Variants in RALGAPA1 observed in about 807,000 individuals in gnomAD.
The protein encoded by RALGAPA1 is ral GTPase-activating protein subunit alpha-1.
A neutral mutation model predicts 269.6 loss-of-function variants in RALGAPA1; 52 were observed. That is an observed-to-expected ratio of 0.19 (90% CI 0.15 to 0.24). RALGAPA1 has a LOEUF of 0.24. Ranked by LOEUF, RALGAPA1 falls within the 10% of genes least tolerant of loss-of-function variation. The pLI, the probability that RALGAPA1 is intolerant of heterozygous loss-of-function variation, is 1.00. For synonymous variants in RALGAPA1, 817 were observed against 1,008.3 expected (o/e 0.81, Z 3.60); for missense variants, 1,917 against 3,013.9 (o/e 0.64, Z 8.52).
At chr14:35,558,894 C>A (rs543249439) in intron 39 of RALGAPA1, among the ~76,000 whole-genome samples, 1 of 152,204 alleles carries the variant, frequency 6.6e-6, no homozygotes, top group East Asian at 1.9e-4. Context: ...CAGCTTCACG[C>A]CAAAGAAGTG....
intron 10 of RALGAPA1, 74 bp from the exon 11 acceptor site, chr14:35,742,639 T>C: frequency 1.0e-6 from 1 of 996,228 alleles, no homozygotes; most frequent in East Asian, 2.4e-5. Flanking sequence ...GTAATGTTTT[T>C]CACATCACAT....
intron 1 of RALGAPA1, among the ~76,000 whole-genome samples, chr14:35,802,538 C>T (rs2077051749): frequency 6.6e-6 from 1 of 151,992 alleles, no homozygotes; most frequent in Non-Finnish European, 1.5e-5. Context: ...TAAAGAAGTC[C>T]TAAGTAGGTG....
intron 1 of RALGAPA1, among the ~76,000 whole-genome samples, chr14:35,798,911 G>A (rs533828187): frequency 2.4e-4 from 36 of 151,554 alleles, no homozygotes; most frequent in Admixed American, 6.6e-4. Flanking sequence ...CAAAAGAATC[G>A]CTTGAACCAA....
At chr14:35,544,896 A>C (rs954252602) in intron 41 of RALGAPA1, among the ~76,000 whole-genome samples, 1 of 152,076 alleles carries the variant, frequency 6.6e-6, no homozygotes, top group African/African-American at 2.4e-5. Flanking sequence ...AAAATACAAA[A>C]ATCAGCCAGG....
intron 27 of RALGAPA1, among the ~76,000 whole-genome samples, chr14:35,659,904 G>A (rs531471324): frequency 3.1e-4 from 47 of 152,018 alleles, no homozygotes; most frequent in African/African-American, 1.1e-3. Flanking sequence ...AAGCACTTAA[G>A]TAGAATACAT....
In RALGAPA1 at chr14:35,760,942, T is replaced by C; in HGVS notation, c.434A>G (p.Lys145Arg). 1 of 1,611,384 alleles carries C rather than the reference T, an allele frequency of 6.2e-7. No individual in the cohort carries two copies. Among genetic ancestry groups the C allele is most frequent in the Non-Finnish European group, 8.5e-7 (1 of 1,177,886 alleles). ...GCATGAAAACATCCAGAGCTGTTCTTTGCTACAGTTATTCTGAAGAGCTTG... is the reference window on the plus strand; with the variant it reads ...GCATGAAAACATCCAGAGCTGTTCTCTGCTACAGTTATTCTGAAGAGCTTG... ...WLQALQNNCS[K>R]EQLWMFSCLI... is the part of the protein sequence containing the mutation. The change falls in exon 6 of 42, where the codon AAA becomes AGA. Residue 145 changes from lysine to arginine, a missense_variant. Lys to Arg is a conservative substitution (Grantham distance 26). Transcript: ENST00000680220.
intron 37 of RALGAPA1, among the ~76,000 whole-genome samples, chr14:35,583,237 G>T (rs2058066271): frequency 6.6e-6 from 1 of 152,108 alleles, no homozygotes; most frequent in Non-Finnish European, 1.5e-5. Flanking sequence ...GATGGACAAT[G>T]TATGTAGAGA....
chr14:35,806,300 A>G (rs2077377116), intron 1 of RALGAPA1, among the ~76,000 whole-genome samples: 1 of 152,090 alleles, frequency 6.6e-6, no homozygotes, highest in African/African-American at 2.4e-5. Context: ...ATGTTAGCCA[A>G]TTTACATGTG....
At chr14:35,591,004 G>A (rs1183242009) in intron 37 of RALGAPA1, among the ~76,000 whole-genome samples, 2 of 152,108 alleles carry the variant, frequency 1.3e-5, no homozygotes, top group African/African-American at 4.8e-5. Flanking sequence ...GAGAAATGTT[G>A]GATAAAGTTT....
Position 35,738,635 on chromosome 14 carries a change from T to C in RALGAPA1, c.1465A>G (p.Thr489Ala). ...CTGGAATTTCGAACATGATCAGCAG[T>C]ATTGGTCCCATTTTCCTGAAGCAAA... The part of the protein sequence containing the change: ...EKREEENGTN[T>A]ADHVRNSSWA... The change falls in exon 12 of 42, where the codon ACT (threonine) becomes GCT (alanine). Residue 489 changes from threonine to alanine, a missense_variant. Coordinates refer to ENST00000680220, the MANE Select transcript of RALGAPA1 (RefSeq NM_001346249.2). The C allele has an allele frequency of 1.2e-6, 2 of 1,609,112 alleles. No individual in the cohort carries two copies. Among genetic ancestry groups the C allele is most frequent in the Non-Finnish European group, 1.7e-6 (2 of 1,178,660 alleles).
chr14:35,740,990 C>T (rs557579356), intron 11 of RALGAPA1, among the ~76,000 whole-genome samples: 6 of 152,246 alleles, frequency 3.9e-5, no homozygotes, highest in East Asian at 1.9e-4. Context: ...TTGCAAGAGT[C>T]GCTGGCACTT....
chr14:35,625,214 C>A, intron 35 of RALGAPA1, 147 bp downstream of exon 35: 1 of 409,186 alleles, frequency 2.4e-6, no homozygotes, highest in Non-Finnish European at 4.2e-6. Context: ...CTATGCAGTC[C>A]TAAATTTTCC....
chr14:35,692,155 C>T (rs929910130), intron 17 of RALGAPA1, among the ~76,000 whole-genome samples: 6 of 152,026 alleles, frequency 3.9e-5, no homozygotes, highest in African/African-American at 7.2e-5. Context: ...TCTTTCCACA[C>T]AATATTCTAA....
intron 26 of RALGAPA1, among the ~76,000 whole-genome samples, chr14:35,666,166 A>G (rs1475058799): frequency 1.3e-5 from 2 of 152,100 alleles, no homozygotes; most frequent in Admixed American, 1.3e-4. Context: ...CTGGGATTAC[A>G]GGTGCGTGCC....
chr14:35,543,697 C>G (rs2054212632), intron 41 of RALGAPA1, among the ~76,000 whole-genome samples: 2 of 152,202 alleles, frequency 1.3e-5, no homozygotes, highest in African/African-American at 2.4e-5. Flanking sequence ...GGCTGGAGTG[C>G]AGTGGCGCGA....
chr14:35,600,955 C>G (rs1298418602), intron 36 of RALGAPA1, among the ~76,000 whole-genome samples: 1 of 152,180 alleles, frequency 6.6e-6, no homozygotes, highest in African/African-American at 2.4e-5. Context: ...TTTGAAGACT[C>G]TGCTGTATGC....
At chr14:35,722,226 C>A (rs2069485615) in intron 15 of RALGAPA1, among the ~76,000 whole-genome samples, 1 of 152,118 alleles carries the variant, frequency 6.6e-6, no homozygotes, top group Non-Finnish European at 1.5e-5. Flanking sequence ...GAAATATAGT[C>A]CAGGAAAAAG....
chr14:35,624,399 TGA>T lies in RALGAPA1; in HGVS notation c.6929+960_6929+961del, dbSNP rs1177034806. On this transcript the variant is annotated intron_variant, in intron 35 of 41. Coordinates refer to ENST00000680220, the MANE Select transcript of RALGAPA1 (RefSeq NM_001346249.2). ...TCCATAAATTTGGTAGTAAAAGGAA[TGA>T]GAGATCTGGATAGGACTATAGCTTG... Among the ~76,000 whole-genome samples the T allele has an allele frequency of 4.3e-4, 65 of 152,042 alleles. 1 individual carries two copies. Among genetic ancestry groups the T allele is most frequent in the Non-Finnish European group, 1.0e-4 (7 of 67,994 alleles).
At chr14:35,768,798 C>A (rs980288831) in intron 4 of RALGAPA1, among the ~76,000 whole-genome samples, 1 of 151,564 alleles carries the variant, frequency 6.6e-6, no homozygotes, top group South Asian at 2.1e-4. Flanking sequence ...CACCCGAGGT[C>A]GGGAGTTCAT....
Sources: allele counts gnomAD v4.1 joint callset (sites outside exome capture counted in the v4.1 genomes callset), GRCh38; gene constraint gnomAD v4.1.1; transcripts MANE v1.5; gene names NCBI Gene and HGNC (gene_info 2026-07-23, HGNC 2026-07-21).